RTCA: variants seen among roughly 807,000 people sequenced by gnomAD.
RTCA encodes the protein RNA terminal phosphate cyclase domain 1.
Under a neutral mutation model 46.1 loss-of-function variants are expected in RTCA, and 37 were observed. That is an observed-to-expected ratio of 0.80 (90% CI 0.62 to 1.06). The LOEUF (loss-of-function observed/expected upper bound fraction) is 1.06, where lower values mean the gene tolerates loss of function less well. Ranked by LOEUF, RTCA falls within the 50% of genes least tolerant of loss-of-function variation. The probability of loss-of-function intolerance (pLI) is 0.00; values close to 1 mark genes in which losing one functional copy is unlikely to be tolerated. For missense variants in RTCA, 435 were observed against 455.5 expected, an observed-to-expected ratio of 0.95 and a Z score of 0.41; for synonymous variants, 164 against 158.3, an observed-to-expected ratio of 1.04 and a Z score of -0.27.
At chr1:100,274,746 A>T in intron 5 of RTCA, 78 bp from the exon 6 acceptor site, 1 of 1,348,344 alleles carries the variant, frequency 7.4e-7, no homozygotes, top group South Asian at 1.5e-5. Context: ...TATCATTGAC[A>T]TGTCATTTTA....
chr1:100,266,267 C>T lies in RTCA; in HGVS notation c.-109C>T, dbSNP rs1665762282. 12 of 1,390,910 alleles carry T rather than the reference C, an allele frequency of 8.6e-6. No individual in the cohort carries two copies. The African/African-American group carries it at 1.8e-4, about 20-fold the overall frequency. 86.2% of individuals were successfully genotyped at this position (1,390,910 alleles called of 1,614,324 possible). ...CGCTTTCTCGTCAGGCTCCTGCGCC[C>T]CAGGCATGAACCAAGGTTTCTGAAC... On this transcript the variant is annotated 5_prime_UTR_variant, in exon 1 of 11. Coordinates refer to ENST00000370128, the MANE Select transcript of RTCA (RefSeq NM_003729.4).
intron 8 of RTCA, among the ~76,000 whole-genome samples, chr1:100,281,074 A>G (rs992263769): frequency 6.6e-6 from 1 of 152,160 alleles, no homozygotes; most frequent in Non-Finnish European, 1.5e-5. Context: ...CAGAAGGAAC[A>G]TTGGCTGCTT....
intron 7 of RTCA, 79 bp downstream of exon 7, chr1:100,275,802 TCTTG>T (rs1666338063): frequency 7.9e-7 from 1 of 1,271,054 alleles, no homozygotes; most frequent in African/African-American, 1.5e-5. Flanking sequence ...TTTTAGGGTT[TCTTG>T]CTTAAGTTTA....
chr1:100,289,961 G>A (rs747634304), intron 10 of RTCA, among the ~76,000 whole-genome samples: 8 of 152,160 alleles, frequency 5.3e-5, no homozygotes, highest in Non-Finnish European at 1.0e-4. Context: ...TAGCTGCTAC[G>A]TGTGTTTCAT....
chr1:100,286,454 C>CAAAAAAAAAAAAAAAAA (rs754851046), intron 9 of RTCA, among the ~76,000 whole-genome samples: 9 of 45,324 alleles, frequency 2.0e-4, no homozygotes, highest in Non-Finnish European at 2.7e-4. Context: ...GACTCCGTCT[C>CAAAAAAAAAAAAAAAAA]AAAAAAAAAA....
In RTCA at chr1:100,277,336, T is replaced by A; in HGVS notation, c.799+20T>A. 3.8e-6 allele frequency: 6 copies of A among 1,569,026 alleles called. No homozygotes were observed. The highest frequency in any genetic ancestry group is 4.4e-6 in the Non-Finnish European group (5 of 1,148,346). The stretch of plus-strand genomic sequence containing the variant: ...AACGAGGTAAGATAAATGAAGGGGG[T>A]CCATAGTTCCCAATGCTACTGCAGA... On this transcript the variant is annotated intron_variant, in intron 8 of 10. Coordinates refer to ENST00000370128, the MANE Select transcript of RTCA (RefSeq NM_003729.4).
intron 8 of RTCA, among the ~76,000 whole-genome samples, chr1:100,280,321 T>C (rs532442787): frequency 6.6e-6 from 1 of 152,356 alleles, no homozygotes; most frequent in Non-Finnish European, 1.5e-5. Flanking sequence ...TTATCAGTAA[T>C]ACATGGAATT....
intron 5 of RTCA, among the ~76,000 whole-genome samples, chr1:100,273,840 C>G (rs1027762344): frequency 9.9e-5 from 15 of 152,154 alleles, no homozygotes; most frequent in Non-Finnish European, 2.1e-4. Flanking sequence ...ACACATTGGG[C>G]ATTCAGGTTA....
chr1:100,273,520 C>CT, intron 5 of RTCA, 68 bp downstream of exon 5: 1 of 929,122 alleles, frequency 1.1e-6, no homozygotes, highest in South Asian at 1.7e-5. Flanking sequence ...AAGTTAGACC[C>CT]TTAGAGAACT....
chr1:100,280,038 A>G (rs1198149902), intron 8 of RTCA, among the ~76,000 whole-genome samples: 1 of 152,246 alleles, frequency 6.6e-6, no homozygotes, highest in Non-Finnish European at 1.5e-5. Context: ...ATTACAATTC[A>G]GGTCAGAATG....
intron 8 of RTCA, among the ~76,000 whole-genome samples, chr1:100,284,912 T>C (rs1456892840): frequency 6.6e-6 from 1 of 152,206 alleles, no homozygotes; most frequent in Non-Finnish European, 1.5e-5. Flanking sequence ...GTTTTAATTT[T>C]TGAAATTGAG....
At chr1:100,267,473 AAAC>A in intron 2 of RTCA, 1 of 1,518,736 alleles carries the variant, frequency 6.6e-7, no homozygotes, top group South Asian at 1.2e-5. Context: ...AGTGGAGCTT[AAAC>A]AACAGAAATT....
intron 8 of RTCA, among the ~76,000 whole-genome samples, chr1:100,282,717 G>T (rs909845591): frequency 4.1e-5 from 1 of 24,408 alleles, no homozygotes; most frequent in Non-Finnish European, 8.0e-5. Context: ...ACAAAACTTT[G>T]TTTTATGCAC....
chr1:100,279,684 C>T (rs1022740793), intron 8 of RTCA, among the ~76,000 whole-genome samples: 18 of 151,760 alleles, frequency 1.2e-4, no homozygotes, highest in Non-Finnish European at 4.4e-5. Context: ...GAGGCTGAAG[C>T]GGGAGGATTG....
intron 9 of RTCA, among the ~76,000 whole-genome samples, chr1:100,286,415 A>G (rs1211740220): frequency 7.1e-6 from 1 of 140,352 alleles, no homozygotes; most frequent in South Asian, 2.3e-4. Flanking sequence ...AGAATGCGCC[A>G]CTGCACTCCA....
intron 8 of RTCA, among the ~76,000 whole-genome samples, chr1:100,278,099 A>T (rs1666500378): frequency 1.3e-5 from 2 of 152,208 alleles, no homozygotes; most frequent in Non-Finnish European, 2.9e-5. Context: ...GAGTGTGATC[A>T]CTTGGTTAAG....
At chr1:100,272,182 A>G (rs144602803) in intron 4 of RTCA, among the ~76,000 whole-genome samples, 156 of 152,374 alleles carry the variant, frequency 1.0e-3, no homozygotes, top group African/African-American at 3.1e-3. Context: ...TTGGGAAAAT[A>G]CTTGCTGGGT....
Position 100,271,275 on chromosome 1 carries a change from C to A in RTCA, c.414+595C>A, listed in dbSNP as rs58246854. Among the ~76,000 whole-genome samples the A allele has an allele frequency of 8.4e-3, 1,273 of 151,728 alleles. 19 individuals are homozygous for A. Among genetic ancestry groups the A allele is most frequent in the African/African-American group, 0.029 (1,190 of 41,262 alleles). ...CCTGGGCAACATGGTGAAATCCCAT[C>A]TCTACAAAAAAATAATATAAATAAA... On this transcript the variant is annotated intron_variant, in intron 4 of 10. Coordinates refer to ENST00000370128, the MANE Select transcript of RTCA (RefSeq NM_003729.4).
At chr1:100,287,851 T>C (rs1220802773) in intron 10 of RTCA, among the ~76,000 whole-genome samples, 6 of 150,068 alleles carry the variant, frequency 4.0e-5, no homozygotes, top group African/African-American at 1.5e-4. Context: ...TGGAGTGCAA[T>C]GGCATGATCT....
Sources: gnomAD v4.1 joint callset for allele counts (sites outside exome capture counted in the v4.1 genomes callset) on GRCh38, gnomAD v4.1.1 for gene constraint, MANE v1.5 for transcripts, NCBI Gene and HGNC (gene_info 2026-07-23, HGNC 2026-07-21) for gene names.